The following NEMP1 variants were observed in gnomAD, a reference collection of about 807,000 sequenced individuals.
NEMP1 encodes transmembrane protein 194.
A neutral mutation model predicts 53.7 loss-of-function variants in NEMP1; 29 were observed. The ratio of observed to expected loss-of-function variants is 0.54; its 90% CI spans 0.40 to 0.74. The LOEUF (loss-of-function observed/expected upper bound fraction) is 0.74. NEMP1 is among the 30% of genes least tolerant of loss of function. NEMP1 has a pLI of 0.00. For synonymous variants in NEMP1, 193 were observed against 192.9 expected, an observed-to-expected ratio of 1.00 and a Z score of 0.00; for missense variants, 477 against 528.6, an observed-to-expected ratio of 0.90 and a Z score of 0.96.
At chr12:57,082,688 G>A (rs1008015862), upstream of NEMP1, among the ~76,000 whole-genome samples, 1 of 152,164 alleles carries the variant, frequency 6.6e-6, no homozygotes. Flanking sequence ...CTCCACCCTG[G>A]GTGACAGAGT....
upstream of NEMP1, among the ~76,000 whole-genome samples, chr12:57,080,910 A>G (rs1286606780): frequency 4.0e-5 from 6 of 150,874 alleles, no homozygotes; most frequent in African/African-American, 2.5e-5. Flanking sequence ...AAAAAAAAAA[A>G]GTCAAAATGG....
intron 8 of NEMP1, among the ~76,000 whole-genome samples, chr12:57,060,388 C>T (rs535207274): frequency 9.2e-5 from 14 of 152,186 alleles, no homozygotes; most frequent in Non-Finnish European, 1.3e-4. Flanking sequence ...CAGTTATTCA[C>T]GTTTATGGCC....
At position 57,056,490 on chromosome 12, in the gene NEMP1, G is replaced by A. The variant is rs2031530642; in HGVS notation, c.*3389C>T. 1 of 152,186 alleles carries A rather than the reference G, an allele frequency of 6.6e-6. No individual in the cohort carries two copies. Among genetic ancestry groups the A allele is most frequent in the Non-Finnish European group, 1.5e-5 (1 of 68,028 alleles). 9.4% of individuals were successfully genotyped at this position (152,186 alleles called of 1,614,324 possible). Reference sequence around the variant, plus strand: ...TGTGTCAAACTGTTCTCTTGTTTCAGATACAATTCTTGGCATTTCAATATA... The same window carrying A: ...TGTGTCAAACTGTTCTCTTGTTTCAAATACAATTCTTGGCATTTCAATATA... On this transcript the variant is annotated 3_prime_UTR_variant, in exon 9 of 9. Coordinates refer to ENST00000300128, the MANE Select transcript of NEMP1 (RefSeq NM_001130963.2).
intron 4 of NEMP1, 129 bp from the exon 5 acceptor site, chr12:57,064,868 A>G (rs539437169): frequency 1.6e-6 from 1 of 611,544 alleles, no homozygotes; most frequent in Admixed American, 3.5e-5. Flanking sequence ...AGCATCAGAG[A>G]CATTTCAAAT....
intron 7 of NEMP1, among the ~76,000 whole-genome samples, chr12:57,062,153 G>A (rs921252613): frequency 6.6e-6 from 1 of 152,132 alleles, no homozygotes; most frequent in South Asian, 2.1e-4. Flanking sequence ...ATAAGACTAA[G>A]ACCTCCAGAG....
At chr12:57,073,059 A>C (rs528964150) in intron 1 of NEMP1, 147 bp from the exon 2 acceptor site, 17 of 594,696 alleles carry the variant, frequency 2.9e-5, no homozygotes, top group African/African-American at 3.7e-5. Flanking sequence ...ACTGAGAAGA[A>C]GGAAGAACTA....
At chr12:57,083,837 G>A (rs1465959333) in intron 1 of NEMP1, among the ~76,000 whole-genome samples, 1 of 152,250 alleles carries the variant, frequency 6.6e-6, no homozygotes, top group East Asian at 1.9e-4. Flanking sequence ...GCAATGGCGT[G>A]ATCTCAGCTT....
chr12:57,074,706 A>G (rs894531574), intron 1 of NEMP1, among the ~76,000 whole-genome samples: 2 of 152,232 alleles, frequency 1.3e-5, no homozygotes, highest in Admixed American at 1.3e-4. Context: ...ACAGCAGGCA[A>G]TGATTACATG....
upstream of NEMP1, chr12:57,078,862 G>A: frequency 2.5e-6 from 3 of 1,208,998 alleles, no homozygotes; most frequent in East Asian, 2.5e-5. Flanking sequence ...GGGATGGGCA[G>A]GGCTTCGAGC....
At chr12:57,074,483 G>A (rs993187072) in intron 1 of NEMP1, among the ~76,000 whole-genome samples, 4 of 151,150 alleles carry the variant, frequency 2.6e-5, no homozygotes, top group African/African-American at 9.7e-5. Context: ...GTGTATTTTT[G>A]TAGTAGAGAT....
upstream of NEMP1, among the ~76,000 whole-genome samples, chr12:57,081,306 C>T (rs1409926488): frequency 6.6e-6 from 1 of 152,102 alleles, no homozygotes; most frequent in Non-Finnish European, 1.5e-5. Context: ...TGCAATGGCA[C>T]AAACTTGGCT....
intron 1 of NEMP1, among the ~76,000 whole-genome samples, chr12:57,085,702 T>A (rs763238989): frequency 6.6e-6 from 1 of 152,256 alleles, no homozygotes; most frequent in Non-Finnish European, 1.5e-5. Flanking sequence ...GACTTCGGCC[T>A]ACTACCTTTA....
rs917640303 is a variant in NEMP1, at chr12:57,069,216, A to T, written c.545+18T>A. 3 of 1,527,878 alleles carry T rather than the reference A, an allele frequency of 2.0e-6. No homozygotes were observed. 94.6% of individuals were successfully genotyped at this position (1,527,878 alleles called of 1,614,324 possible). Reference sequence around the variant, plus strand: ...AGGTATGAGCCGTTTCATTCTGCACACTAGCCTTGGAACCTACCTGCTCAG... The same window carrying T: ...AGGTATGAGCCGTTTCATTCTGCACTCTAGCCTTGGAACCTACCTGCTCAG... On this transcript the variant is annotated intron_variant, in intron 4 of 8. Transcript: ENST00000300128.
chr12:57,078,889 GC>G, upstream of NEMP1: 1 of 872,632 alleles, frequency 1.1e-6, no homozygotes, highest in South Asian at 1.8e-5. Flanking sequence ...CCCTCCAAGG[GC>G]CCTATGAGTC....
rs749995658 is a variant in NEMP1, at chr12:57,064,735, G to A, written c.550C>T (p.Gln184Ter). Residue 184 changes from glutamine to a stop codon, truncating the protein, a stop_gained, in exon 5 of 9, where the codon CAA (glutamine) becomes TAA (stop). Coordinates refer to ENST00000300128, the MANE Select transcript of NEMP1 (RefSeq NM_001130963.2). LOFTEE classifies it high-confidence loss of function. Reference protein sequence around the residue: ...FFCGDLLSRSQIFYYSTGMTV... With the variant: ...FFCGDLLSRS ...ATCCCAGTAGAGTAGTAGAAAATTT[G>A]ACTTCTGCAGGAAAAAAATGTATTT... 1.2e-6 allele frequency: 2 copies of A among 1,610,038 alleles called. No individual in the cohort carries two copies. The highest frequency in any genetic ancestry group is 1.7e-6 in the Non-Finnish European group (2 of 1,178,006).
intron 1 of NEMP1, among the ~76,000 whole-genome samples, chr12:57,073,953 C>T (rs2032476231): frequency 6.6e-6 from 1 of 151,826 alleles, no homozygotes; most frequent in Non-Finnish European, 1.5e-5. Flanking sequence ...ACAGAATTGG[C>T]AGGTTTTTTA....
chr12:57,086,489 A>C (rs2032996035), intron 1 of NEMP1, among the ~76,000 whole-genome samples: 1 of 148,988 alleles, frequency 6.7e-6, no homozygotes, highest in South Asian at 2.1e-4. Flanking sequence ...AACAAATGAA[A>C]ATTTTTGTAT....
chr12:57,069,089 A>C (rs1056561971), intron 4 of NEMP1, 145 bp downstream of exon 4: 2 of 513,424 alleles, frequency 3.9e-6, no homozygotes, highest in African/African-American at 4.0e-5. Context: ...AATACACATT[A>C]AAGTATTTTT....
In NEMP1 at chr12:57,069,355, G is replaced by A. The variant is rs1410351638; in HGVS notation, c.473-49C>T. 2.4e-6 allele frequency: 3 copies of A among 1,249,918 alleles called. No individual in the cohort carries two copies. The South Asian group carries it at 4.2e-5, about 18-fold the overall frequency. 77.4% of individuals were successfully genotyped at this position (1,249,918 alleles called of 1,614,324 possible). On this transcript the variant is annotated intron_variant, in intron 3 of 8. Transcript: ENST00000300128. ...TTAATAAGGGAACAAAACTGCTTAAGGTATTATAGAATAAAAGACAACGTT... is the reference window on the plus strand; with the variant it reads ...TTAATAAGGGAACAAAACTGCTTAAAGTATTATAGAATAAAAGACAACGTT...
Sources: allele counts gnomAD v4.1 joint callset (sites outside exome capture counted in the v4.1 genomes callset), GRCh38; gene constraint gnomAD v4.1.1; transcripts MANE v1.5; gene names NCBI Gene and HGNC (gene_info 2026-07-23, HGNC 2026-07-21).